The following C10orf67 variants were observed in gnomAD, a reference collection of about 807,000 sequenced individuals.
C10orf67 encodes the protein chromosome 10 open reading frame 67.
A neutral mutation model predicts 35.6 loss-of-function variants in C10orf67; 60 were observed. That is an observed-to-expected ratio of 1.68 (90% CI 1.37 to 2.09). The LOEUF (loss-of-function observed/expected upper bound fraction) is 2.09. Ranked by LOEUF, C10orf67 falls within the 30% of genes most tolerant of loss-of-function variation. The pLI, the probability that C10orf67 is intolerant of heterozygous loss-of-function variation, is 0.00. For missense variants in C10orf67, 474 were observed against 330.2 expected, an observed-to-expected ratio of 1.44 and a Z score of -3.38; for synonymous variants, 167 against 115.8, an observed-to-expected ratio of 1.44 and a Z score of -2.84.
intron 7 of C10orf67, 44 bp from the exon 8 acceptor site, chr10:23,282,122 G>T: frequency 2.1e-6 from 1 of 474,004 alleles, no homozygotes; most frequent in South Asian, 4.2e-5. Flanking sequence ...GATAAGAACA[G>T]AACACCTAAA....
intron 5 of C10orf67, among the ~76,000 whole-genome samples, chr10:23,300,110 C>T (rs1639155947): frequency 6.6e-6 from 1 of 152,134 alleles, no homozygotes; most frequent in South Asian, 2.1e-4. Context: ...GCCCCAGGCA[C>T]CCTCAGTCCT....
intron 2 of C10orf67, among the ~76,000 whole-genome samples, chr10:23,326,229 G>C (rs1473515851): frequency 2.0e-5 from 3 of 151,966 alleles, no homozygotes; most frequent in African/African-American, 7.2e-5. Context: ...ACCACACTTA[G>C]GTACATAATA....
chr10:23,287,611 C>T (rs1014960973), intron 7 of C10orf67, among the ~76,000 whole-genome samples: 1 of 152,046 alleles, frequency 6.6e-6, no homozygotes, highest in Admixed American at 6.5e-5. Flanking sequence ...CAACAAAAGC[C>T]AAAATTGACG....
At chr10:23,259,042 C>G (rs114416929) in intron 10 of C10orf67, among the ~76,000 whole-genome samples, 1 of 152,216 alleles carries the variant, frequency 6.6e-6, no homozygotes, top group African/African-American at 2.4e-5. Context: ...TAGTGGAAAA[C>G]GATGGTAAAA....
chr10:23,322,742 A>T (rs1845009674), intron 2 of C10orf67, among the ~76,000 whole-genome samples: 2 of 152,140 alleles, frequency 1.3e-5, no homozygotes, highest in African/African-American at 4.8e-5. Context: ...TAGCATTAGT[A>T]TCTGGGTGAT....
chr10:23,298,072 G>A (rs903203322), intron 5 of C10orf67, among the ~76,000 whole-genome samples: 6 of 152,150 alleles, frequency 3.9e-5, no homozygotes, highest in Middle Eastern at 3.4e-3. Context: ...TGGCGAACAC[G>A]GTGAAACCCC....
chr10:23,280,712 C>T (rs1843342091), intron 8 of C10orf67, among the ~76,000 whole-genome samples: 3 of 152,164 alleles, frequency 2.0e-5, no homozygotes, highest in African/African-American at 7.2e-5. Context: ...GATTGGTTCC[C>T]CTGTGAGCAA....
chr10:23,272,604 G>C (rs1448766496), intron 8 of C10orf67, among the ~76,000 whole-genome samples: 1 of 152,164 alleles, frequency 6.6e-6, no homozygotes, highest in African/African-American at 2.4e-5. Flanking sequence ...TTTACAGCAA[G>C]TTTGAATCAG....
intron 15 of C10orf67, among the ~76,000 whole-genome samples, chr10:23,212,705 A>C (rs1841338430): frequency 6.6e-6 from 1 of 151,476 alleles, no homozygotes; most frequent in Non-Finnish European, 1.5e-5. Flanking sequence ...CAAACTTATA[A>C]GAACTGGCTG....
At chr10:23,299,752 C>A (rs1379812239) in intron 5 of C10orf67, among the ~76,000 whole-genome samples, 2 of 151,760 alleles carry the variant, frequency 1.3e-5, no homozygotes, top group African/African-American at 4.8e-5. Context: ...CTGAGGCGGG[C>A]GAATCATGAG....
rs1441328054 is a variant in C10orf67, at chr10:23,223,963, C to G, written c.1435-145G>C. 15 of 617,624 alleles carry G rather than the reference C, an allele frequency of 2.4e-5. No homozygotes were observed. The Admixed American group carries it at 4.0e-4, about 16-fold the overall frequency. 38.3% of individuals were successfully genotyped at this position (617,624 alleles called of 1,614,324 possible). A position where few individuals can be genotyped will look rare whatever the true frequency, so the allele number is the denominator to read the frequency against. Reference sequence around the variant, plus strand: ...TTTGCTCAAATATGGCTGCGGAAATCCTTTTCTTCATTCCAATGGGATAGA... The same window carrying G: ...TTTGCTCAAATATGGCTGCGGAAATGCTTTTCTTCATTCCAATGGGATAGA... On this transcript the variant is annotated intron_variant, in intron 13 of 15. Coordinates refer to ENST00000636213, the MANE Select transcript of C10orf67 (RefSeq NM_001371909.1).
At chr10:23,344,545 A>C (rs1299865436) in intron 1 of C10orf67, 24 bp downstream of exon 1, 7 of 1,556,864 alleles carry the variant, frequency 4.5e-6, no homozygotes, top group Non-Finnish European at 5.2e-6. Context: ...TTCCTCCTCT[A>C]CCCAGGCGCG....
At chr10:23,227,061 A>C (rs550962236) in intron 13 of C10orf67, among the ~76,000 whole-genome samples, 2 of 152,242 alleles carry the variant, frequency 1.3e-5, no homozygotes, top group Non-Finnish European at 2.9e-5. Context: ...ATCAATAGAA[A>C]AAGAGGGAAT....
chr10:23,248,578 A>C (rs1842372477), intron 12 of C10orf67, among the ~76,000 whole-genome samples: 1 of 152,188 alleles, frequency 6.6e-6, no homozygotes, highest in Non-Finnish European at 1.5e-5. Flanking sequence ...CATCTACTAA[A>C]CAAAAATGAG....
chr10:23,256,864 G>T (rs1371733606), intron 10 of C10orf67, among the ~76,000 whole-genome samples: 1 of 152,080 alleles, frequency 6.6e-6, no homozygotes, highest in African/African-American at 2.4e-5. Context: ...TCTGGGAGAG[G>T]GGAAGCAAAC....
chr10:23,277,054 G>T (rs548466020), intron 8 of C10orf67, among the ~76,000 whole-genome samples: 125 of 152,082 alleles, frequency 8.2e-4, no homozygotes, highest in African/African-American at 2.9e-3. Flanking sequence ...GACCCCTAAG[G>T]TGCCCCAAAC....
Position 23,310,631 on chromosome 10 carries a change from C to T in C10orf67, c.547-7172G>A, listed in dbSNP as rs999849750. Among the ~76,000 whole-genome samples, 4 of 152,316 alleles carry T rather than the reference C, an allele frequency of 2.6e-5. No individual in the cohort carries two copies. In the East Asian group the frequency reaches 7.7e-4, roughly 29 times the overall value. On this transcript the variant is annotated intron_variant, in intron 4 of 15. Transcript: ENST00000636213. ...GGTCCTTGTCAGCAGGCTTCTGCCC[C>T]ATCACCCCTCCTGCTCTTCTGTGAA...
At chr10:23,207,737 T>G (rs1210363789) in intron 15 of C10orf67, among the ~76,000 whole-genome samples, 1 of 152,216 alleles carries the variant, frequency 6.6e-6, no homozygotes, top group East Asian at 1.9e-4. Flanking sequence ...TAAAATTCCC[T>G]CCTGCATTTT....
chr10:23,222,526 G>A (rs1041188195), intron 15 of C10orf67, among the ~76,000 whole-genome samples: 2 of 152,046 alleles, frequency 1.3e-5, no homozygotes, highest in Non-Finnish European at 2.9e-5. Flanking sequence ...AGGAAGGTAA[G>A]GGTTGAAAAA....
Sources: gnomAD v4.1 joint callset for allele counts (sites outside exome capture counted in the v4.1 genomes callset) on GRCh38, gnomAD v4.1.1 for gene constraint, MANE v1.5 for transcripts, NCBI Gene and HGNC (gene_info 2026-07-23, HGNC 2026-07-21) for gene names.